GRM3: variants seen among roughly 807,000 people sequenced by gnomAD.
The protein encoded by GRM3 is metabotropic glutamate receptor 3.
A neutral mutation model predicts 70.5 loss-of-function variants in GRM3; 26 were observed. The observed-to-expected ratio is 0.37, with a 90% CI of 0.27 to 0.51. The LOEUF is 0.51. Among genes scored for constraint, GRM3 ranks in the 20% least tolerant of loss-of-function variants. The pLI is 0.93. For missense variants in GRM3, 859 were observed against 1,123.8 expected, an observed-to-expected ratio of 0.76 and a Z score of 3.37; for synonymous variants, 443 against 434.9, an observed-to-expected ratio of 1.02 and a Z score of -0.23.
chr7:86,787,747 G>T (rs778662901), intron 3 of GRM3, among the ~76,000 whole-genome samples: 7 of 152,188 alleles, frequency 4.6e-5, no homozygotes, highest in Admixed American at 1.3e-4. Flanking sequence ...TTTTCTGGGA[G>T]CTTGACTATA....
intron 1 of GRM3, among the ~76,000 whole-genome samples, chr7:86,660,303 T>A (rs1426217565): frequency 1.3e-5 from 2 of 152,070 alleles, no homozygotes; most frequent in Non-Finnish European, 2.9e-5. Flanking sequence ...AGCTGAACTT[T>A]GCCTTTCCTT....
intron 3 of GRM3, among the ~76,000 whole-genome samples, chr7:86,817,126 T>C (rs1211493296): frequency 4.6e-5 from 7 of 151,912 alleles, no homozygotes; most frequent in African/African-American, 1.7e-4. Flanking sequence ...AAATGAAGCT[T>C]GTCAAGGTGT....
intron 3 of GRM3, 30 bp from the exon 4 acceptor site, chr7:86,838,809 C>CTTTTTT: frequency 7.6e-7 from 1 of 1,315,654 alleles, no homozygotes; most frequent in Non-Finnish European, 1.1e-6. Flanking sequence ...AACAAGTGTT[C>CTTTTTT]TTTTTTTTCT....
intron 1 of GRM3, among the ~76,000 whole-genome samples, chr7:86,726,472 A>G (rs1234339026): frequency 1.3e-5 from 2 of 152,156 alleles, no homozygotes; most frequent in African/African-American, 4.8e-5. Context: ...CAGAGTTAGT[A>G]CTCAATACTG....
intron 1 of GRM3, among the ~76,000 whole-genome samples, chr7:86,655,341 G>T (rs1338833591): frequency 6.6e-6 from 1 of 152,040 alleles, no homozygotes; most frequent in Non-Finnish European, 1.5e-5. Flanking sequence ...ACATCCATGT[G>T]GTCCTTACTG....
rs1476676075 is a variant in GRM3 at position 86,670,355 on chromosome 7, G to A, written c.-141+25483G>A. 3.3e-5 allele frequency among the ~76,000 whole-genome samples: 5 copies of A among 152,274 alleles called. No individual in the cohort carries two copies. The East Asian group carries it at 9.7e-4, about 29-fold the overall frequency. On this transcript the variant is annotated intron_variant, in intron 1 of 5. Coordinates refer to ENST00000361669, the MANE Select transcript of GRM3 (RefSeq NM_000840.3). Reference sequence around the variant, plus strand: ...TCTATCAACATCTAAGCAGGTAACTGCTAGTGCTCTACCTCTAATCATGTT... The same window carrying A: ...TCTATCAACATCTAAGCAGGTAACTACTAGTGCTCTACCTCTAATCATGTT...
chr7:86,650,936 C>G (rs909059406), intron 1 of GRM3, among the ~76,000 whole-genome samples: 1 of 152,164 alleles, frequency 6.6e-6, no homozygotes, highest in Non-Finnish European at 1.5e-5. Flanking sequence ...AATGGTTCAT[C>G]TTTATGTTAG....
At chr7:86,830,591 C>A (rs539955942) in intron 3 of GRM3, among the ~76,000 whole-genome samples, 1 of 152,226 alleles carries the variant, frequency 6.6e-6, no homozygotes, top group Non-Finnish European at 1.5e-5. Flanking sequence ...TAAAAATAAA[C>A]TAGAGCTCCT....
At chr7:86,741,043 C>G (rs544922563) in intron 1 of GRM3, among the ~76,000 whole-genome samples, 5 of 152,238 alleles carry the variant, frequency 3.3e-5, no homozygotes, top group African/African-American at 9.6e-5. Flanking sequence ...CATCTCTCTC[C>G]CACCACGTTT....
chr7:86,748,472 C>A (rs1796156259), intron 1 of GRM3, among the ~76,000 whole-genome samples: 1 of 151,910 alleles, frequency 6.6e-6, no homozygotes. Flanking sequence ...GACTAGATTT[C>A]ATTCAGGGGA....
intron 1 of GRM3, among the ~76,000 whole-genome samples, chr7:86,654,002 G>T (rs1480166474): frequency 6.6e-6 from 1 of 152,160 alleles, no homozygotes; most frequent in East Asian, 1.9e-4. Flanking sequence ...TCTGCAGCGT[G>T]GGGGCAGGGG....
Position 86,717,112 on chromosome 7 carries a change from G to A in GRM3, c.-140-47894G>A, listed in dbSNP as rs1428221700. Among the ~76,000 whole-genome samples, 20 of 152,008 alleles carry A rather than the reference G, an allele frequency of 1.3e-4. 1 individual carries two copies. On this transcript the variant is annotated intron_variant, in intron 1 of 5. Transcript: ENST00000361669. ...AAGAATGTTCAAATATAAAATGTTA[G>A]CTATTTGTCCCATTATAAAATGCAT...
intron 1 of GRM3, among the ~76,000 whole-genome samples, chr7:86,690,239 A>T (rs1794666165): frequency 6.6e-6 from 1 of 152,148 alleles, no homozygotes; most frequent in South Asian, 2.1e-4. Context: ...AAGAACTGAA[A>T]GAGGCCTGTG....
At chr7:86,661,162 G>C (rs1793883145) in intron 1 of GRM3, among the ~76,000 whole-genome samples, 1 of 151,882 alleles carries the variant, frequency 6.6e-6, no homozygotes, top group South Asian at 2.1e-4. Flanking sequence ...ATGGACAGAG[G>C]CCTAAGAATC....
At chr7:86,646,016 T>C (rs1045281767) in intron 1 of GRM3, among the ~76,000 whole-genome samples, 3 of 9,896 alleles carry the variant, frequency 3.0e-4, no homozygotes, top group Admixed American at 2.2e-3. Flanking sequence ...TGGGGGGGGG[T>C]GGGAGGGAGT....
At chr7:86,674,063 T>C (rs1222268665) in intron 1 of GRM3, among the ~76,000 whole-genome samples, 8 of 152,120 alleles carry the variant, frequency 5.3e-5, no homozygotes, top group Non-Finnish European at 1.2e-4. Context: ...TGCACCAAAA[T>C]GTAGCCATTT....
chr7:86,811,537 C>G (rs1377915808), intron 3 of GRM3, among the ~76,000 whole-genome samples: 1 of 151,748 alleles, frequency 6.6e-6, no homozygotes, highest in Non-Finnish European at 1.5e-5. Context: ...TACCCACCAT[C>G]AATGACAAAT....
At chr7:86,760,110 T>G (rs1429700235) in intron 1 of GRM3, among the ~76,000 whole-genome samples, 1 of 152,136 alleles carries the variant, frequency 6.6e-6, no homozygotes, top group Non-Finnish European at 1.5e-5. Context: ...ACTTAAGGAT[T>G]TATTTCTGGG....
chr7:86,840,073 T>C (rs899734200), intron 4 of GRM3, among the ~76,000 whole-genome samples, 168 bp downstream of exon 4: 1 of 152,188 alleles, frequency 6.6e-6, no homozygotes, highest in African/African-American at 2.4e-5. Flanking sequence ...GTAGATAGCA[T>C]TTAATTAGTA....
Sources: allele counts gnomAD v4.1 joint callset (sites outside exome capture counted in the v4.1 genomes callset), GRCh38; gene constraint gnomAD v4.1.1; transcripts MANE v1.5; gene names NCBI Gene and HGNC (gene_info 2026-07-23, HGNC 2026-07-21).